Variants in PIAS1 observed in about 807,000 individuals in gnomAD.
The protein encoded by PIAS1 is E3 SUMO-protein ligase PIAS1.
A neutral mutation model predicts 71.3 loss-of-function variants in PIAS1; 6 were observed. The ratio of observed to expected loss-of-function variants is 0.08; its 90% CI spans 0.05 to 0.17. PIAS1 has a LOEUF of 0.17. PIAS1 is among the 10% of genes least tolerant of loss of function. PIAS1 has a pLI of 1.00. For synonymous variants in PIAS1, 303 were observed against 292.9 expected, an observed-to-expected ratio of 1.03 and a Z score of -0.35; for missense variants, 555 against 793.6, an observed-to-expected ratio of 0.70 and a Z score of 3.61.
intron 2 of PIAS1, among the ~76,000 whole-genome samples, chr15:68,134,898 C>A (rs1471381306): frequency 4.3e-5 from 2 of 46,732 alleles, no homozygotes; most frequent in African/African-American, 8.9e-5. Context: ...GAGGGGCTCC[C>A]CACCTCCCAG....
intron 2 of PIAS1, among the ~76,000 whole-genome samples, chr15:68,116,790 A>G (rs2092568632): frequency 6.6e-6 from 1 of 151,948 alleles, no homozygotes; most frequent in South Asian, 2.1e-4. Context: ...ATTTTCATTC[A>G]GTTCAAAATA....
chr15:68,105,532 C>CT (rs1477546014), intron 2 of PIAS1, among the ~76,000 whole-genome samples: 1 of 152,108 alleles, frequency 6.6e-6, no homozygotes, highest in Non-Finnish European at 1.5e-5. Context: ...GAATCTGGAG[C>CT]TTTTACTACC....
Position 68,099,953 on chromosome 15 carries a change from G to A in PIAS1, c.469+13203G>A, listed in dbSNP as rs1370026490. Among the ~76,000 whole-genome samples, 77 of 152,006 alleles carry A rather than the reference G, an allele frequency of 5.1e-4. 2 individuals are homozygous for A. The highest frequency in any genetic ancestry group is 1.3e-4 in the Non-Finnish European group (9 of 67,960). ...TTATACTCTTTGGTGAAATGTCTGT[G>A]CATATTTTTCTCATTCTTTAATTGA... On this transcript the variant is annotated intron_variant, in intron 2 of 13. Transcript: ENST00000249636.
intron 8 of PIAS1, among the ~76,000 whole-genome samples, chr15:68,166,127 A>G (rs922035201): frequency 6.6e-6 from 1 of 152,176 alleles, no homozygotes; most frequent in Non-Finnish European, 1.5e-5. Flanking sequence ...GTTAATTAAA[A>G]TCATCAAATT....
At chr15:68,140,750 C>G (rs2092764562) in intron 2 of PIAS1, among the ~76,000 whole-genome samples, 1 of 152,104 alleles carries the variant, frequency 6.6e-6, no homozygotes, top group Non-Finnish European at 1.5e-5. Context: ...TGATCAAACT[C>G]AGTTTAAGCA....
At chr15:68,069,470 A>C (rs1169364542) in intron 1 of PIAS1, among the ~76,000 whole-genome samples, 1 of 152,156 alleles carries the variant, frequency 6.6e-6, no homozygotes, top group African/African-American at 2.4e-5. Flanking sequence ...AAATGCTCAC[A>C]CATCATTTGG....
chr15:68,148,811 A>G (rs1015939086), intron 6 of PIAS1, among the ~76,000 whole-genome samples: 2 of 152,222 alleles, frequency 1.3e-5, no homozygotes, highest in African/African-American at 4.8e-5. Context: ...AATAGTTTAA[A>G]TGGAGGCCAG....
intron 1 of PIAS1, among the ~76,000 whole-genome samples, chr15:68,059,145 C>T (rs1187106882): frequency 6.6e-6 from 1 of 151,612 alleles, no homozygotes; most frequent in Non-Finnish European, 1.5e-5. Context: ...GCTGGGACTA[C>T]AGGTGCCCGC....
At chr15:68,055,318 C>T in intron 1 of PIAS1, 4 of 464,532 alleles carry the variant, frequency 8.6e-6, no homozygotes, top group Admixed American at 6.4e-5. Flanking sequence ...AAATTCTCCC[C>T]TCATGCTACT....
chr15:68,168,986 A>G (rs1233402131), intron 8 of PIAS1, among the ~76,000 whole-genome samples: 1 of 152,190 alleles, frequency 6.6e-6, no homozygotes, highest in African/African-American at 2.4e-5. Flanking sequence ...TCAGAGTATA[A>G]ATTTCATGGC....
intron 6 of PIAS1, among the ~76,000 whole-genome samples, chr15:68,152,683 A>G (rs767563229): frequency 2.0e-5 from 3 of 152,220 alleles, no homozygotes; most frequent in Non-Finnish European, 4.4e-5. Flanking sequence ...TAGCTATAAA[A>G]TACAAGATGG....
chr15:68,061,311 G>A (rs1487983665), intron 1 of PIAS1: 4 of 152,132 alleles, frequency 2.6e-5, no homozygotes, highest in African/African-American at 9.7e-5. Flanking sequence ...TGCACTTTTT[G>A]CTAGATGTTT....
chr15:68,118,608 C>G (rs1367251957), intron 2 of PIAS1, among the ~76,000 whole-genome samples: 1 of 152,204 alleles, frequency 6.6e-6, no homozygotes, highest in Non-Finnish European at 1.5e-5. Flanking sequence ...TCCTGAGTCA[C>G]TGGAATTACA....
chr15:68,058,541 C>G (rs2091921702), intron 1 of PIAS1, among the ~76,000 whole-genome samples: 1 of 152,270 alleles, frequency 6.6e-6, no homozygotes, highest in African/African-American at 2.4e-5. Flanking sequence ...CTGGAGTCCT[C>G]TAGGGTGCCC....
intron 2 of PIAS1, among the ~76,000 whole-genome samples, chr15:68,112,659 A>G (rs1009011846): frequency 6.6e-6 from 1 of 152,226 alleles, no homozygotes; most frequent in African/African-American, 2.4e-5. Context: ...AGAAAGTCAA[A>G]GAAATGCAAA....
At chr15:68,055,272 T>G (rs565738847) in intron 1 of PIAS1, 16 of 900,432 alleles carry the variant, frequency 1.8e-5, no homozygotes, top group Non-Finnish European at 1.9e-5. Context: ...GCCTTTTGTT[T>G]GTAGGGACAT....
intron 1 of PIAS1, among the ~76,000 whole-genome samples, chr15:68,068,430 T>G (rs2092053757): frequency 6.6e-6 from 1 of 152,150 alleles, no homozygotes; most frequent in Non-Finnish European, 1.5e-5. Flanking sequence ...CTTAAGTTAA[T>G]TACCACAGTG....
At chr15:68,065,254 C>G (rs1006551193) in intron 1 of PIAS1, among the ~76,000 whole-genome samples, 1 of 151,950 alleles carries the variant, frequency 6.6e-6, no homozygotes, top group African/African-American at 2.4e-5. Flanking sequence ...ATGGGACGAT[C>G]CCTTTCACCT....
intron 2 of PIAS1, among the ~76,000 whole-genome samples, chr15:68,130,531 T>C (rs188836731): frequency 5.3e-4 from 81 of 152,080 alleles, no homozygotes; most frequent in African/African-American, 1.9e-3. Flanking sequence ...AGAAAAACTC[T>C]GGGTTTGATA....
Sources: gnomAD v4.1 joint callset for allele counts (sites outside exome capture counted in the v4.1 genomes callset) on GRCh38, gnomAD v4.1.1 for gene constraint, MANE v1.5 for transcripts, NCBI Gene and HGNC (gene_info 2026-07-23, HGNC 2026-07-21) for gene names.